The following TANC2 variants were observed in gnomAD, a reference collection of about 807,000 sequenced individuals.
TANC2 encodes tetratricopeptide repeat, ankyrin repeat and coiled-coil containing 2.
TANC2 carries 26 observed loss-of-function variants against 210.5 expected under a neutral mutation model. The ratio of observed to expected loss-of-function variants is 0.12; its 90% CI spans 0.09 to 0.17. The LOEUF (loss-of-function observed/expected upper bound fraction) is 0.17, where lower values mean the gene tolerates loss of function less well. Ranked by LOEUF, TANC2 falls within the 10% of genes least tolerant of loss-of-function variation. TANC2 has a pLI of 1.00. For synonymous variants in TANC2, 931 were observed against 967.1 expected, an observed-to-expected ratio of 0.96 and a Z score of 0.69; for missense variants, 2,129 against 2,608.9, an observed-to-expected ratio of 0.82 and a Z score of 4.01.
chr17:63,420,325 C>G lies in TANC2; in HGVS notation c.4595C>G (p.Pro1532Arg), dbSNP rs756006150. Residue 1532 changes from proline to arginine, a missense_variant, in exon 28 of 28, where the codon CCG becomes CGG. This residue lies in a region of TANC2 where 584 missense variants were observed against 627.3 expected (regional missense o/e 0.93). Coordinates refer to ENST00000689528, the Ensembl canonical transcript of TANC2. This position sits in a 1 kb window ranked among gnomAD's most constrained non-coding sequence, Gnocchi z 4.2. The stretch of plus-strand genomic sequence containing the variant: ...ATCCAGAGCCCACCCTCCTCTCCCC[C>G]GCATCGGGACTCAGCCTACATCTCC... 6.8e-6 allele frequency: 11 copies of G among 1,613,874 alleles called. No individual in the cohort carries two copies. The highest frequency in any genetic ancestry group is 1.3e-5 in the African/African-American group (1 of 74,926).
intron 5 of TANC2, among the ~76,000 whole-genome samples, chr17:63,177,313 A>C (rs532068701): frequency 6.6e-6 from 1 of 151,274 alleles, no homozygotes; most frequent in East Asian, 1.9e-4. Context: ...TATATGTTAT[A>C]TAGGTAATAG....
At chr17:63,275,528 C>G (rs2043846040) in intron 9 of TANC2, among the ~76,000 whole-genome samples, 1 of 152,122 alleles carries the variant, frequency 6.6e-6, no homozygotes, top group Non-Finnish European at 1.5e-5. Flanking sequence ...TGTCATGAAG[C>G]TAAATGCTCT....
intron 6 of TANC2, 32 bp downstream of exon 6, chr17:63,194,171 T>C: frequency 3.1e-6 from 5 of 1,601,796 alleles, no homozygotes; most frequent in African/African-American, 1.3e-5. Flanking sequence ...TTGTGAAACA[T>C]GGTGTGAATC....
At chr17:63,251,364 A>G (rs2043049032) in intron 8 of TANC2, among the ~76,000 whole-genome samples, 1 of 152,192 alleles carries the variant, frequency 6.6e-6, no homozygotes, top group African/African-American at 2.4e-5. Context: ...AAAATGATAT[A>G]CAAATGGAAA....
In TANC2 at chr17:63,037,333, C is replaced by T. The variant is rs191021535; in HGVS notation, c.67+27707C>T. ...GATGGCTTGAGATTTTATCACACTACTCAGTATGGGGTGTAATTTAAAACT... is the reference window on the plus strand; with the variant it reads ...GATGGCTTGAGATTTTATCACACTATTCAGTATGGGGTGTAATTTAAAACT... On this transcript the variant is annotated intron_variant, in intron 2 of 27. Coordinates refer to ENST00000689528, the Ensembl canonical transcript of TANC2. Among the ~76,000 whole-genome samples, 107 of 152,118 alleles carry T rather than the reference C, an allele frequency of 7.0e-4. 1 individual carries two copies. The highest frequency in any genetic ancestry group is 2.5e-3 in the African/African-American group (105 of 41,492).
At chr17:63,116,222 G>A (rs908317880) in intron 4 of TANC2, among the ~76,000 whole-genome samples, 2 of 152,216 alleles carry the variant, frequency 1.3e-5, no homozygotes, top group African/African-American at 4.8e-5. Context: ...CATAGCATCA[G>A]TGACCCATGC....
chr17:63,141,379 TAAAAAAAAAAAAAAA>T lies in TANC2; in HGVS notation c.323-9867_323-9853del, dbSNP rs71155970. Among the ~76,000 whole-genome samples, 42 of 21,876 alleles carry T rather than the reference TAAAAAAAAAAAAAAA, an allele frequency of 1.9e-3. No homozygotes were observed. The East Asian group carries it at 0.022, about 11-fold the overall frequency. 14.4% of individuals were successfully genotyped at this position (21,876 alleles called of 152,430 possible). A position where few individuals can be genotyped will look rare whatever the true frequency, so the allele number is the denominator to read the frequency against. On this transcript the variant is annotated intron_variant, in intron 4 of 27. Transcript: ENST00000689528. ...CAACATGCTAAAACCCCGTTTCTAC[TAAAAAAAAAAAAAAA>T]AAAAAAAAAAAAAAAAAAAAAAATT...
chr17:63,325,282 C>T (rs1408511387), intron 11 of TANC2, among the ~76,000 whole-genome samples: 1 of 152,166 alleles, frequency 6.6e-6, no homozygotes, highest in Non-Finnish European at 1.5e-5. Flanking sequence ...CCATTCCCCA[C>T]TCACTTATAT....
chr17:63,001,413 G>T (rs182539006), intron 1 of TANC2, among the ~76,000 whole-genome samples: 1 of 151,930 alleles, frequency 6.6e-6, no homozygotes, highest in Admixed American at 6.6e-5. Context: ...CTGATGAATT[G>T]TGTCTTTGCT....
chr17:63,314,328 C>G (rs1192073548), intron 9 of TANC2, 60 bp from the exon 10 acceptor site: 8 of 1,579,122 alleles, frequency 5.1e-6, no homozygotes, highest in Non-Finnish European at 6.0e-6. Context: ...TTTTTTCTCT[C>G]TTTGTTTCTC....
intron 11 of TANC2, among the ~76,000 whole-genome samples, chr17:63,327,455 G>C (rs1055892625): frequency 6.6e-5 from 10 of 152,200 alleles, no homozygotes; most frequent in East Asian, 3.8e-4. Flanking sequence ...CAGTAGCCAA[G>C]ATATGGAACC....
At chr17:63,396,828 G>A (rs573820889) in intron 18 of TANC2, 1 of 152,130 alleles carries the variant, frequency 6.6e-6, no homozygotes, top group East Asian at 1.9e-4. Context: ...GAGGGGAAAG[G>A]AAGGGGAAAG....
At chr17:63,422,104 A>G in exon 28 of TANC2, 1 of 1,058,912 alleles carries the variant, frequency 9.4e-7, no homozygotes, top group Non-Finnish European at 1.3e-6. Flanking sequence ...AATCCTTTGC[A>G]TGCAGCCGAC....
At chr17:63,196,458 A>G (rs1289942706) in intron 6 of TANC2, among the ~76,000 whole-genome samples, 1 of 152,186 alleles carries the variant, frequency 6.6e-6, no homozygotes, top group African/African-American at 2.4e-5. Context: ...CTACACAGCT[A>G]CATTTCCTTG....
chr17:63,132,978 G>A (rs933505480), intron 4 of TANC2, among the ~76,000 whole-genome samples: 1 of 151,918 alleles, frequency 6.6e-6, no homozygotes, highest in South Asian at 2.1e-4. Flanking sequence ...GGTTTTTTTT[G>A]TTTTTTGTTT....
chr17:63,263,413 A>G (rs991958059), intron 8 of TANC2, among the ~76,000 whole-genome samples: 3 of 152,208 alleles, frequency 2.0e-5, no homozygotes, highest in Non-Finnish European at 4.4e-5. Flanking sequence ...CAGTAAAATA[A>G]TTGGGCATTT....
chr17:63,169,415 A>G (rs989512281), intron 5 of TANC2, among the ~76,000 whole-genome samples: 3 of 152,146 alleles, frequency 2.0e-5, no homozygotes, highest in Non-Finnish European at 2.9e-5. Flanking sequence ...TGGTTAACAG[A>G]TGCTTCCCAG....
intron 4 of TANC2, among the ~76,000 whole-genome samples, chr17:63,126,059 T>G (rs2038696196): frequency 6.6e-6 from 1 of 152,156 alleles, no homozygotes; most frequent in African/African-American, 2.4e-5. Flanking sequence ...CTAGGGTTAT[T>G]ATGAGGATTA....
intron 13 of TANC2, among the ~76,000 whole-genome samples, chr17:63,353,870 A>C (rs866632172): frequency 6.6e-6 from 1 of 152,138 alleles, no homozygotes; most frequent in Admixed American, 6.6e-5. Context: ...GGATTTGGCA[A>C]AGTGAAAGTT....
Sources: allele counts gnomAD v4.1 joint callset (sites outside exome capture counted in the v4.1 genomes callset), GRCh38; gene constraint gnomAD v4.1.1; regional missense constraint gnomAD v4.1.1; non-coding constraint Gnocchi (gnomAD v3.1); transcripts MANE v1.5; gene names NCBI Gene and HGNC (gene_info 2026-07-23, HGNC 2026-07-21).